The following RPL11 variants were observed in gnomAD, a reference collection of about 807,000 sequenced individuals.
RPL11 encodes the protein large ribosomal subunit protein uL5.
In RPL11, 3 loss-of-function variants were observed where a neutral mutation model predicts 24.1. The observed-to-expected ratio is 0.12, with a 90% CI of 0.06 to 0.32. RPL11 has a LOEUF of 0.32. RPL11 is among the 10% of genes least tolerant of loss of function. The pLI is 1.00. For synonymous variants in RPL11, 96 were observed against 75.7 expected, an observed-to-expected ratio of 1.27 and a Z score of -1.39; for missense variants, 146 against 225.7, an observed-to-expected ratio of 0.65 and a Z score of 2.26.
In RPL11 at chr1:23,695,926, C is replaced by T; in HGVS notation, c.507+18C>T. 6.4e-7 allele frequency: 1 copy of T among 1,558,414 alleles called. No individual in the cohort carries two copies. Among genetic ancestry groups the T allele is most frequent in the South Asian group, 1.2e-5 (1 of 84,556 alleles). ...AGCAGAAGGTAAAGCTGATTTATCT[C>T]AAGTGAAGTGGTGGAATGTGATGTT... is the stretch of plus-strand genomic sequence containing the variant. On this transcript the variant is annotated intron_variant, in intron 5 of 5. Transcript: ENST00000643754.
intron 2 of RPL11, 24 bp from the exon 3 acceptor site, chr1:23,693,783 C>T (rs1395167993): frequency 1.3e-6 from 2 of 1,569,334 alleles, no homozygotes; most frequent in Non-Finnish European, 8.8e-7. Context: ...TGGCATCTGA[C>T]TCCTTGTTAC....
chr1:23,693,863 T>C lies in RPL11; in HGVS notation c.214T>C (p.Cys72Arg). ...IRRNEKIAVH[C>R]TVRGAKAEEI... ...GAGAAATGAAAAGATTGCTGTCCAC[T>C]GCACAGTTCGAGGGGCCAAGGCAGA... Residue 72 changes from cysteine to arginine, a missense_variant, in exon 3 of 6, where the codon TGC becomes CGC. By Grantham distance (180) the Cys-to-Arg change is radical. Coordinates refer to ENST00000643754, the MANE Select transcript of RPL11 (RefSeq NM_000975.5). The C allele has an allele frequency of 6.2e-7, 1 of 1,614,172 alleles. No homozygotes were observed. The highest frequency in any genetic ancestry group is 8.5e-7 in the Non-Finnish European group (1 of 1,180,018).
At chr1:23,692,472 C>A in intron 1 of RPL11, 137 bp from the exon 2 acceptor site, 2 of 1,128,400 alleles carry the variant, frequency 1.8e-6, no homozygotes, top group East Asian at 2.4e-5. Context: ...GTCCCCTAAA[C>A]ATTATACCTT....
chr1:23,694,864 T>C, intron 4 of RPL11, 73 bp downstream of exon 4: 1 of 1,604,750 alleles, frequency 6.2e-7, no homozygotes, highest in Non-Finnish European at 8.5e-7. Context: ...TGTGGTATGT[T>C]GGTGTTCACA....
chr1:23,695,543 A>C (rs1386259413), intron 4 of RPL11: 1 of 531,800 alleles, frequency 1.9e-6, no homozygotes, highest in Non-Finnish European at 3.4e-6. Context: ...GTAATGGAGG[A>C]TCCTCAGCAC....
At chr1:23,695,442 GCTT>G (rs1241948538) in intron 4 of RPL11, 2 of 321,336 alleles carry the variant, frequency 6.2e-6, no homozygotes, top group Non-Finnish European at 1.2e-5. Context: ...ATATATTTGT[GCTT>G]CTCAGAGTTG....
intron 1 of RPL11, chr1:23,692,064 A>C (rs1644503347): frequency 6.5e-6 from 4 of 611,352 alleles, no homozygotes; most frequent in Non-Finnish European, 1.1e-5. Flanking sequence ...AAGCACGGTC[A>C]GGAGGCTGCA....
chr1:23,694,657 C>T lies in RPL11; in HGVS notation c.265-3C>T, dbSNP rs879071077. 6.2e-7 allele frequency: 1 copy of T among 1,613,750 alleles called. No homozygotes were observed. Among genetic ancestry groups the T allele is most frequent in the Admixed American group, 1.7e-5 (1 of 59,992 alleles). ...AATGTTATTGCTGCATTTTTCTCCA[C>T]AGGTGCGGGAGTATGAGTTAAGAAA... On this transcript the variant is annotated splice_region_variant and splice_polypyrimidine_tract_variant and intron_variant, in intron 3 of 5. Coordinates refer to ENST00000643754, the MANE Select transcript of RPL11 (RefSeq NM_000975.5).
At chr1:23,692,248 A>T in intron 1 of RPL11, 1 of 419,886 alleles carries the variant, frequency 2.4e-6, no homozygotes, top group Non-Finnish European at 4.4e-6. Context: ...TCGCATAACC[A>T]CGTGTTTCCT....
chr1:23,694,297 G>A lies in RPL11; in HGVS notation c.265-363G>A, dbSNP rs562535988. On this transcript the variant is annotated intron_variant, in intron 3 of 5. Coordinates refer to ENST00000643754, the MANE Select transcript of RPL11 (RefSeq NM_000975.5). Reference sequence around the variant, plus strand: ...GGAAGCTGAGGCACGACAATTGCTAGAACCTGGGAGGTAGAGGTTGCAGTG... The same window carrying A: ...GGAAGCTGAGGCACGACAATTGCTAAAACCTGGGAGGTAGAGGTTGCAGTG... Among the ~76,000 whole-genome samples, 239 of 152,134 alleles carry A rather than the reference G, an allele frequency of 1.6e-3. 2 individuals are homozygous for A. The highest frequency in any genetic ancestry group is 7.6e-4 in the Non-Finnish European group (52 of 68,020).
At position 23,694,670 on chromosome 1, in the gene RPL11, A is replaced by G; in HGVS notation, c.275A>G (p.Tyr92Cys). Residue 92 changes from tyrosine to cysteine, a missense_variant, in exon 4 of 6, where the codon TAT (tyrosine) becomes TGT (cysteine). By Grantham distance (194) the Tyr-to-Cys change is radical (BLOSUM62 -2). Transcript: ENST00000643754. Reference protein sequence around the residue: ...ILEKGLKVREYELRKNNFSDT... With the variant: ...ILEKGLKVRECELRKNNFSDT... ...CATTTTTCTCCACAGGTGCGGGAGTATGAGTTAAGAAAAAACAACTTCTCA... is the reference window on the plus strand; with the variant it reads ...CATTTTTCTCCACAGGTGCGGGAGTGTGAGTTAAGAAAAAACAACTTCTCA... The G allele has an allele frequency of 6.2e-7, 1 of 1,614,004 alleles. No homozygotes were observed. The highest frequency in any genetic ancestry group is 8.5e-7 in the Non-Finnish European group (1 of 1,179,904).
At chr1:23,696,149 G>A (rs971153514) in intron 5 of RPL11, among the ~76,000 whole-genome samples, 195 bp from the exon 6 acceptor site, 11 of 152,122 alleles carry the variant, frequency 7.2e-5, no homozygotes, top group Non-Finnish European at 1.6e-4. Context: ...CTTTTAACAG[G>A]AGCCCCCTTT....
rs542625853 is a variant in RPL11 at position 23,694,380 on chromosome 1, A to AAC, written c.265-279_265-278insCA. On this transcript the variant is annotated intron_variant, in intron 3 of 5. Transcript: ENST00000643754. The stretch of plus-strand genomic sequence containing the variant: ...GCCACAGAGTGAGACTCTTGTCTCA[A>AAC]AAAAAAAAAAGAAAAAGGATGCTTG... 1.7e-3 allele frequency among the ~76,000 whole-genome samples: 252 copies of AAC among 147,396 alleles called. 1 individual carries two copies. The highest frequency in any genetic ancestry group is 0.01 in the Middle Eastern group (3 of 290).
At chr1:23,695,999 T>G in intron 5 of RPL11, 91 bp downstream of exon 5, 2 of 1,220,880 alleles carry the variant, frequency 1.6e-6, no homozygotes, top group African/African-American at 3.0e-5. Flanking sequence ...TACTATTTGC[T>G]GGGTATCTTC....
At chr1:23,695,944 GTGA>G in intron 5 of RPL11, 36 bp downstream of exon 5, 1 of 1,541,670 alleles carries the variant, frequency 6.5e-7, no homozygotes, top group Non-Finnish European at 8.8e-7. Context: ...GTGGTGGAAT[GTGA>G]TGTTGGTGAA....
At position 23,695,855 on chromosome 1, in the gene RPL11, G is replaced by A. The variant is rs766991539; in HGVS notation, c.454G>A (p.Gly152Arg). 17 of 1,600,608 alleles carry A rather than the reference G, an allele frequency of 1.1e-5. No homozygotes were observed. Among genetic ancestry groups the A allele is most frequent in the Non-Finnish European group, 2.6e-6 (3 of 1,173,816 alleles). The change falls in exon 5 of 6, where the codon GGG becomes AGG. Residue 152 changes from glycine to arginine, a missense_variant. Gly to Arg is a moderately radical substitution (Grantham distance 125). Transcript: ENST00000643754. ...ADKKRRTGCI[G>R]AKHRISKEEA... is the part of the protein sequence containing the mutation. ...CAAGAAGCGCAGGACAGGCTGCATT[G>A]GGGCCAAACACAGAATCAGCAAAGA... is the stretch of plus-strand genomic sequence containing the variant.
chr1:23,694,764 T>C lies in RPL11; in HGVS notation c.369T>C (p.Ile123=). 6.2e-7 allele frequency: 1 copy of C among 1,614,204 alleles called. No individual in the cohort carries two copies. Among genetic ancestry groups the C allele is most frequent in the Non-Finnish European group, 8.5e-7 (1 of 1,180,036 alleles). The change falls in exon 4 of 6, where the codon ATT becomes ATC. Residue 123 remains isoleucine, a synonymous_variant. Coordinates refer to ENST00000643754, the MANE Select transcript of RPL11 (RefSeq NM_000975.5). ...TGGGTATCAAATATGACCCAAGCAT[T>C]GGTATCTACGGCCTGGACTTCTATG... ...IDLGIKYDPS[I]GIYGLDFYVV...
chr1:23,692,120 C>T (rs1483252492), intron 1 of RPL11: 8 of 557,320 alleles, frequency 1.4e-5, no homozygotes, highest in Non-Finnish European at 2.2e-5. Context: ...CAGGGGGGTC[C>T]GGGCCTTTTC....
At chr1:23,695,423 A>G (rs1456442337) in intron 4 of RPL11, 2 of 302,612 alleles carry the variant, frequency 6.6e-6, no homozygotes, top group Non-Finnish European at 1.3e-5. Flanking sequence ...AGCAGAAGGA[A>G]GAAAATATAT....
Sources: gnomAD v4.1 joint callset for allele counts (sites outside exome capture counted in the v4.1 genomes callset) on GRCh38, gnomAD v4.1.1 for gene constraint, MANE v1.5 for transcripts, NCBI Gene and HGNC (gene_info 2026-07-23, HGNC 2026-07-21) for gene names.